GLIS3: variants seen among roughly 807,000 people sequenced by gnomAD.
GLIS3 encodes GLIS family zinc finger 3, also known as zinc finger protein GLIS3.
In GLIS3, 53 loss-of-function variants were observed where a neutral mutation model predicts 78.6. The observed-to-expected ratio is 0.67, with a 90% CI of 0.54 to 0.85. The LOEUF is 0.85. Among genes scored for constraint, GLIS3 ranks in the 40% least tolerant of loss-of-function variants. The pLI is 0.00. For synonymous variants in GLIS3, 684 were observed against 509.9 expected, an observed-to-expected ratio of 1.34 and a Z score of -4.60; for missense variants, 1,703 against 1,231.1, an observed-to-expected ratio of 1.38 and a Z score of -5.74.
At chr9:4,093,638 G>C (rs1223071140) in intron 4 of GLIS3, among the ~76,000 whole-genome samples, 2 of 152,190 alleles carry the variant, frequency 1.3e-5, no homozygotes, top group African/African-American at 4.8e-5. Context: ...ATACTCAGAA[G>C]ACTGGATACT....
At chr9:4,267,993 ATATG>A (rs1475429828) in intron 2 of GLIS3, among the ~76,000 whole-genome samples, 1 of 151,814 alleles carries the variant, frequency 6.6e-6, no homozygotes, top group African/African-American at 2.4e-5. Context: ...ATGTGTATAT[ATATG>A]TGTGTGAATA....
the GLIS3 span, among the ~76,000 whole-genome samples, chr9:4,389,707 G>A: frequency 1.3e-5 from 2 of 152,320 alleles, no homozygotes; most frequent in Admixed American, 1.3e-4. Flanking sequence ...ACCTGCATTT[G>A]AGGAAAGACA....
intron 9 of GLIS3, among the ~76,000 whole-genome samples, chr9:3,839,142 G>A (rs1221695445): frequency 1.3e-5 from 2 of 152,152 alleles, no homozygotes; most frequent in Admixed American, 1.3e-4. Flanking sequence ...TCAAACAAAT[G>A]TTCCCATTTT....
the GLIS3 span, among the ~76,000 whole-genome samples, chr9:4,389,760 G>C: frequency 6.6e-6 from 1 of 152,186 alleles, no homozygotes; most frequent in South Asian, 2.1e-4. Context: ...CCCAAGTGCA[G>C]TGAATAAGCA....
chr9:4,026,195 A>T (rs1312856136), intron 4 of GLIS3, among the ~76,000 whole-genome samples: 1 of 152,224 alleles, frequency 6.6e-6, no homozygotes, highest in African/African-American at 2.4e-5. Flanking sequence ...TCCAGTGGCT[A>T]TCTCAGTTTT....
intron 2 of GLIS3, among the ~76,000 whole-genome samples, chr9:4,340,679 T>C (rs1158108344): frequency 6.6e-6 from 1 of 152,150 alleles, no homozygotes; most frequent in Non-Finnish European, 1.5e-5. Flanking sequence ...AGATCCCACC[T>C]GATTCTTGTT....
At chr9:4,052,222 AAGAC>A (rs1211224366) in intron 4 of GLIS3, among the ~76,000 whole-genome samples, 1 of 152,222 alleles carries the variant, frequency 6.6e-6, no homozygotes, top group African/African-American at 2.4e-5. Context: ...ATAAAGAACT[AAGAC>A]AGATAGGTAC....
intron 6 of GLIS3, 114 bp downstream of exon 6, chr9:3,932,246 G>T: frequency 1.3e-6 from 1 of 788,690 alleles, no homozygotes; most frequent in Non-Finnish European, 2.2e-6. Flanking sequence ...ACGGTCTAAA[G>T]CAGGTTATAC....
chr9:4,296,370 T>C (rs899112074), intron 1 of GLIS3, among the ~76,000 whole-genome samples: 2 of 151,630 alleles, frequency 1.3e-5, no homozygotes, highest in East Asian at 1.9e-4. Flanking sequence ...CCTGCATAAA[T>C]GAAGGCAGGG....
At chr9:4,173,080 T>C (rs1816511790) in intron 2 of GLIS3, among the ~76,000 whole-genome samples, 1 of 152,218 alleles carries the variant, frequency 6.6e-6, no homozygotes. Flanking sequence ...CCCGTGGAGT[T>C]GGAACCTCGC....
chr9:4,405,204 A>G, the GLIS3 span, among the ~76,000 whole-genome samples: 1 of 152,074 alleles, frequency 6.6e-6, no homozygotes, highest in Non-Finnish European at 1.5e-5. Context: ...AAAATACAAA[A>G]TTAGCCAGGT....
chr9:4,381,649 C>T, the GLIS3 span, among the ~76,000 whole-genome samples: 1 of 152,198 alleles, frequency 6.6e-6, no homozygotes, highest in Non-Finnish European at 1.5e-5. Context: ...GGAAGTACTT[C>T]TTGATTCATT....
the GLIS3 span, among the ~76,000 whole-genome samples, chr9:4,411,502 A>G: frequency 6.6e-6 from 1 of 152,224 alleles, no homozygotes; most frequent in Non-Finnish European, 1.5e-5. Flanking sequence ...AAAACTAGTA[A>G]TCCCTCAGAA....
intron 4 of GLIS3, among the ~76,000 whole-genome samples, chr9:4,003,296 T>C (rs1420737148): frequency 1.3e-5 from 2 of 152,080 alleles, no homozygotes; most frequent in Admixed American, 6.6e-5. Flanking sequence ...CTTAAGAAAG[T>C]ATATAACAGA....
intron 2 of GLIS3, among the ~76,000 whole-genome samples, chr9:4,188,546 G>T (rs1043125564): frequency 4.0e-5 from 6 of 151,714 alleles, no homozygotes; most frequent in Admixed American, 1.3e-4. Flanking sequence ...TTTTTCTATT[G>T]ATTGGAATAG....
chr9:4,478,440 CT>C, the GLIS3 span, among the ~76,000 whole-genome samples: 1 of 152,088 alleles, frequency 6.6e-6, no homozygotes, highest in East Asian at 1.9e-4. Flanking sequence ...GTGAAACCCC[CT>C]CTCTACTAAA....
At chr9:4,153,263 T>C (rs1045601756) in intron 2 of GLIS3, among the ~76,000 whole-genome samples, 2 of 152,100 alleles carry the variant, frequency 1.3e-5, no homozygotes, top group Non-Finnish European at 1.5e-5. Flanking sequence ...TAATCAAAAA[T>C]ATGAAAATAA....
At chr9:4,075,438 T>C (rs1335328748) in intron 4 of GLIS3, among the ~76,000 whole-genome samples, 1 of 139,592 alleles carries the variant, frequency 7.2e-6, no homozygotes, top group African/African-American at 2.8e-5. Context: ...TAGCTGGGCA[T>C]AGTGGCGGGT....
chr9:3,902,528 G>T (rs1186853270), intron 6 of GLIS3, among the ~76,000 whole-genome samples: 3 of 152,230 alleles, frequency 2.0e-5, no homozygotes, highest in Admixed American at 6.5e-5. Flanking sequence ...TTAGCTGTCA[G>T]GAATAGTTAA....
Sources: allele counts gnomAD v4.1 joint callset (sites outside exome capture counted in the v4.1 genomes callset), GRCh38; gene constraint gnomAD v4.1.1; transcripts MANE v1.5; gene names NCBI Gene and HGNC (gene_info 2026-07-23, HGNC 2026-07-21).